Variants in LRP1B observed in about 807,000 individuals in gnomAD.
LRP1B encodes LDL receptor related protein 1B.
A neutral mutation model predicts 556.6 loss-of-function variants in LRP1B; 217 were observed. That is an observed-to-expected ratio of 0.39 (90% CI 0.35 to 0.44). The LOEUF (loss-of-function observed/expected upper bound fraction) is 0.44. LRP1B is among the 20% of genes least tolerant of loss of function. The pLI is 1.00. For missense variants in LRP1B, 5,053 were observed against 5,620.8 expected (o/e 0.90, Z 3.23); for synonymous variants, 2,047 against 1,865.8 (o/e 1.10, Z -2.50).
chr2:140,700,486 T>A lies in LRP1B; in HGVS notation c.6563A>T (p.Tyr2188Phe), dbSNP rs1686593488. The change falls in exon 41 of 91, where the codon TAT becomes TTT. Residue 2188 changes from tyrosine (Y) to phenylalanine (F), a missense_variant. Transcript: ENST00000389484. Reference protein sequence around the residue: ...DGVTCLRHEGYLLYSGRTILK... With the variant: ...DGVTCLRHEGFLLYSGRTILK... Reference sequence around the variant, plus strand: ...TATTGTTCTTCCTGAATACAGTAAATAGCCTTCATGCCTCAGGCAAGTAAC... The same window carrying A: ...TATTGTTCTTCCTGAATACAGTAAAAAGCCTTCATGCCTCAGGCAAGTAAC... 1 of 1,613,500 alleles carries A rather than the reference T, an allele frequency of 6.2e-7. No homozygotes were observed. The highest frequency in any genetic ancestry group is 8.5e-7 in the Non-Finnish European group (1 of 1,179,652).
chr2:141,553,527 A>C (rs1271897121), intron 2 of LRP1B, among the ~76,000 whole-genome samples: 1 of 151,430 alleles, frequency 6.6e-6, no homozygotes, highest in Admixed American at 6.7e-5. Context: ...AGGACAGTAT[A>C]GTTGAGGAAA....
At chr2:141,489,112 CTTT>C (rs70994433) in intron 2 of LRP1B, among the ~76,000 whole-genome samples, 2 of 76,080 alleles carry the variant, frequency 2.6e-5, no homozygotes, top group African/African-American at 1.2e-4. Context: ...TGATGCTTGG[CTTT>C]TTTTTTTTTT....
chr2:140,413,874 T>A (rs966111737), intron 66 of LRP1B, among the ~76,000 whole-genome samples: 10 of 152,194 alleles, frequency 6.6e-5, no homozygotes, highest in African/African-American at 2.4e-4. Flanking sequence ...TATTTTACTC[T>A]CTTAAAAGAT....
intron 1 of LRP1B, among the ~76,000 whole-genome samples, chr2:141,894,085 G>T (rs1699366507): frequency 6.6e-6 from 1 of 151,936 alleles, no homozygotes; most frequent in Non-Finnish European, 1.5e-5. Context: ...CTTTGTATTG[G>T]AATCTGAATA....
At chr2:141,253,202 AC>A (rs2105337682) in intron 4 of LRP1B, among the ~76,000 whole-genome samples, 1 of 152,238 alleles carries the variant, frequency 6.6e-6, no homozygotes, top group South Asian at 2.1e-4. Context: ...CATGTCTGGC[AC>A]CATTTTTATC....
intron 1 of LRP1B, among the ~76,000 whole-genome samples, chr2:142,086,640 CAA>C (rs55654885): frequency 2.0e-5 from 3 of 147,752 alleles, no homozygotes; most frequent in Middle Eastern, 3.5e-3. Context: ...AACAAACAAA[CAA>C]AAAAAAAACA....
chr2:140,673,013 C>T (rs973403347), intron 41 of LRP1B, among the ~76,000 whole-genome samples: 1 of 152,200 alleles, frequency 6.6e-6, no homozygotes, highest in African/African-American at 2.4e-5. Flanking sequence ...ATTCACTTTC[C>T]TAACAGTGAA....
intron 83 of LRP1B, among the ~76,000 whole-genome samples, chr2:140,307,996 T>C (rs1293862585): frequency 6.6e-6 from 1 of 151,862 alleles, no homozygotes; most frequent in Admixed American, 6.6e-5. Context: ...TCCAAAATAG[T>C]ATACTATGCT....
At chr2:141,896,900 T>A (rs1699469432) in intron 1 of LRP1B, among the ~76,000 whole-genome samples, 2 of 152,292 alleles carry the variant, frequency 1.3e-5, no homozygotes, top group Non-Finnish European at 1.5e-5. Context: ...GTCCCAGTGA[T>A]GGACCCTGTC....
chr2:141,122,866 A>T (rs1203758549), intron 7 of LRP1B, among the ~76,000 whole-genome samples: 1 of 152,190 alleles, frequency 6.6e-6, no homozygotes, highest in African/African-American at 2.4e-5. Flanking sequence ...TCCAACAATG[A>T]TAGACTGGAT....
chr2:141,852,998 A>G (rs1450099888), intron 1 of LRP1B, among the ~76,000 whole-genome samples: 1 of 151,744 alleles, frequency 6.6e-6, no homozygotes, highest in Non-Finnish European at 1.5e-5. Context: ...CATTAAAAAA[A>G]TGGAAATAAA....
At chr2:142,129,614 C>A (rs1408904333) in intron 1 of LRP1B, among the ~76,000 whole-genome samples, 3 of 124,204 alleles carry the variant, frequency 2.4e-5, no homozygotes, top group Non-Finnish European at 5.1e-5. Flanking sequence ...CTCTCTCTCT[C>A]TCTCTCTCTC....
chr2:141,032,473 T>C (rs1376915407), intron 11 of LRP1B, among the ~76,000 whole-genome samples: 2 of 152,048 alleles, frequency 1.3e-5, no homozygotes, highest in Non-Finnish European at 2.9e-5. Flanking sequence ...GTGGGAAATA[T>C]TTTCTTATGT....
intron 84 of LRP1B, among the ~76,000 whole-genome samples, chr2:140,296,755 A>G (rs1015365946): frequency 6.6e-6 from 1 of 152,228 alleles, no homozygotes; most frequent in Admixed American, 6.5e-5. Flanking sequence ...TGATCATTAT[A>G]TATGGCAACA....
At chr2:140,308,295 T>TA (rs1684150981) in intron 83 of LRP1B, among the ~76,000 whole-genome samples, 1 of 151,712 alleles carries the variant, frequency 6.6e-6, no homozygotes, top group South Asian at 2.1e-4. Context: ...TCAAAGTATG[T>TA]AAAAAACCCT....
Position 140,807,750 on chromosome 2 carries a change from C to A in LRP1B, c.5359+5907G>T, listed in dbSNP as rs1430575226. Among the ~76,000 whole-genome samples the A allele has an allele frequency of 5.9e-5, 9 of 152,186 alleles. No individual in the cohort carries two copies. The East Asian group carries it at 1.4e-3, about 23-fold the overall frequency. On this transcript the variant is annotated intron_variant, in intron 32 of 90. Coordinates refer to ENST00000389484, the MANE Select transcript of LRP1B (RefSeq NM_018557.3). ...AAAGGTTGTCAATATAATTTTAGAG[C>A]AACTAGTTATTACTGTATATTAGAA... is the stretch of plus-strand genomic sequence containing the variant.
intron 2 of LRP1B, among the ~76,000 whole-genome samples, chr2:141,750,732 G>C (rs894663084): frequency 2.6e-5 from 4 of 151,874 alleles, no homozygotes; most frequent in Non-Finnish European, 5.9e-5. Flanking sequence ...TTGTATGATG[G>C]TACCCAAAAT....
intron 2 of LRP1B, among the ~76,000 whole-genome samples, chr2:141,705,997 T>G (rs1312730578): frequency 1.3e-5 from 2 of 152,166 alleles, no homozygotes; most frequent in East Asian, 1.9e-4. Context: ...GACAAAAATT[T>G]GTTTCTGTTT....
intron 7 of LRP1B, among the ~76,000 whole-genome samples, chr2:141,133,290 C>CTTTTT (rs3063810): frequency 9.5e-5 from 13 of 137,234 alleles, no homozygotes; most frequent in African/African-American, 3.5e-4. Context: ...TGTAACGTCT[C>CTTTTT]TTTTTTTTTT....
Sources: gnomAD v4.1 joint callset for allele counts (sites outside exome capture counted in the v4.1 genomes callset) on GRCh38, gnomAD v4.1.1 for gene constraint, MANE v1.5 for transcripts, NCBI Gene and HGNC (gene_info 2026-07-23, HGNC 2026-07-21) for gene names.